The following SIPA1L3 variants were observed in gnomAD, a reference collection of about 807,000 sequenced individuals.
The protein encoded by SIPA1L3 is signal-induced proliferation-associated 1-like protein 3.
Under a neutral mutation model 150.1 loss-of-function variants are expected in SIPA1L3, and 59 were observed. The observed-to-expected ratio is 0.39, with a 90% CI of 0.32 to 0.49. The LOEUF (loss-of-function observed/expected upper bound fraction) is 0.49, where lower values mean the gene tolerates loss of function less well. SIPA1L3 is among the 20% of genes least tolerant of loss of function. The pLI is 0.86. For synonymous variants in SIPA1L3, 1,070 were observed against 1,077.6 expected, an observed-to-expected ratio of 0.99 and a Z score of 0.14; for missense variants, 2,211 against 2,489.5, an observed-to-expected ratio of 0.89 and a Z score of 2.38.
At chr19:38,128,424 G>T (rs1157298009) in intron 9 of SIPA1L3, among the ~76,000 whole-genome samples, 1 of 152,128 alleles carries the variant, frequency 6.6e-6, no homozygotes, top group Non-Finnish European at 1.5e-5. Flanking sequence ...TTTCAGGTAA[G>T]TACTTTACCA....
intron 15 of SIPA1L3, among the ~76,000 whole-genome samples, chr19:38,177,360 CAAA>C (rs371696539): frequency 8.2e-6 from 1 of 121,466 alleles, no homozygotes; most frequent in Non-Finnish European, 1.7e-5. Flanking sequence ...GACTCCATCT[CAAA>C]AAAAAAAAAA....
At chr19:38,092,301 G>A (rs1970277374) in intron 4 of SIPA1L3, among the ~76,000 whole-genome samples, 1 of 151,842 alleles carries the variant, frequency 6.6e-6, no homozygotes, top group South Asian at 2.1e-4. Context: ...AACCAACATG[G>A]CACATGTAAT....
intron 1 of SIPA1L3, among the ~76,000 whole-genome samples, chr19:37,994,341 GGGATAT>G (rs1967582554): frequency 6.6e-6 from 1 of 152,208 alleles, no homozygotes; most frequent in Non-Finnish European, 1.5e-5. Context: ...CAGGTGCTCT[GGGATAT>G]GGTACAAGTG....
chr19:38,016,243 G>C (rs1339533415), intron 1 of SIPA1L3, among the ~76,000 whole-genome samples: 1 of 152,190 alleles, frequency 6.6e-6, no homozygotes, highest in African/African-American at 2.4e-5. Flanking sequence ...TGGAGATAGG[G>C]TTCTGTTACC....
In SIPA1L3 at chr19:38,000,943, C is replaced by CAT. The variant is rs1187318469; in HGVS notation, c.-378-28142_-378-28141dup. ...TATAACATATATATAACATATATAA[C>CAT]ATATAACACACATATAACACATATA... On this transcript the variant is annotated intron_variant, in intron 1 of 21. Coordinates refer to ENST00000222345, the MANE Select transcript of SIPA1L3 (RefSeq NM_015073.3). Among the ~76,000 whole-genome samples the CAT allele has an allele frequency of 1.2e-4, 13 of 108,488 alleles. No homozygotes were observed. The East Asian group carries it at 2.4e-3, about 20-fold the overall frequency. The allele number at this position is 108,488 out of a possible 152,430, so 71.2% of individuals were successfully genotyped here.
chr19:38,075,151 A>T lies in SIPA1L3; in HGVS notation c.-310-6105A>T, dbSNP rs1357067696. On this transcript the variant is annotated intron_variant, in intron 2 of 21. Coordinates refer to ENST00000222345, the MANE Select transcript of SIPA1L3 (RefSeq NM_015073.3). ...TTTTTTTCAATAAATATATTGGAAA[A>T]TTTTTTAGAAATTTGCAACTATTTA... Among the ~76,000 whole-genome samples the T allele has an allele frequency of 2.0e-5, 3 of 152,184 alleles. No individual in the cohort carries two copies. In the East Asian group the frequency reaches 5.8e-4, roughly 29 times the overall value.
chr19:37,923,521 G>A (rs999645317), intron 1 of SIPA1L3, among the ~76,000 whole-genome samples: 1 of 152,154 alleles, frequency 6.6e-6, no homozygotes, highest in African/African-American at 2.4e-5. Flanking sequence ...CCTGTACAGG[G>A]CACTTACCGT....
intron 2 of SIPA1L3, among the ~76,000 whole-genome samples, chr19:38,078,797 C>T (rs1969913212): frequency 2.0e-5 from 3 of 152,158 alleles, no homozygotes; most frequent in South Asian, 2.1e-4. Context: ...CAGGAGGGAG[C>T]GGGCACGGCT....
intron 7 of SIPA1L3, chr19:38,109,420 A>G (rs1970691221): frequency 6.6e-6 from 1 of 152,182 alleles, no homozygotes; most frequent in Admixed American, 6.5e-5. Flanking sequence ...GACATGTGGG[A>G]ATTATGGGAG....
chr19:38,102,338 C>T (rs1407315898), intron 6 of SIPA1L3, among the ~76,000 whole-genome samples: 1 of 151,696 alleles, frequency 6.6e-6, no homozygotes, highest in Non-Finnish European at 1.5e-5. Context: ...AGCCACCACA[C>T]CTGGCCAATT....
intron 4 of SIPA1L3, among the ~76,000 whole-genome samples, chr19:38,091,226 A>G (rs916530654): frequency 1.3e-5 from 2 of 152,112 alleles, no homozygotes; most frequent in East Asian, 3.9e-4. Context: ...TCTGTACTAA[A>G]AACACAAAAA....
chr19:37,947,499 A>G (rs1368225190), intron 1 of SIPA1L3, among the ~76,000 whole-genome samples: 1 of 151,958 alleles, frequency 6.6e-6, no homozygotes, highest in Non-Finnish European at 1.5e-5. Context: ...AAAAAAAAAA[A>G]AAAAGTCCAA....
chr19:37,918,185 T>C (rs1250052878), intron 1 of SIPA1L3, among the ~76,000 whole-genome samples: 1 of 151,798 alleles, frequency 6.6e-6, no homozygotes. Context: ...GGGAGGAGGG[T>C]GAGCAGGGGG....
chr19:38,192,099 C>T (rs1158629634), intron 16 of SIPA1L3, 46 bp from the exon 17 acceptor site: 2 of 1,532,372 alleles, frequency 1.3e-6, no homozygotes, highest in East Asian at 2.4e-5. Flanking sequence ...TGAAAAGTGG[C>T]TTGAGCCTCC....
chr19:38,192,360 C>T (rs1419778015), intron 17 of SIPA1L3, 50 bp downstream of exon 17: 2 of 1,512,968 alleles, frequency 1.3e-6, no homozygotes, highest in South Asian at 2.6e-5. Flanking sequence ...CCAAGGGGAT[C>T]CCAGATCTGG....
At position 38,081,640 on chromosome 19, in the gene SIPA1L3, C is replaced by G. The variant is rs148675237; in HGVS notation, c.75C>G (p.Val25=). The G allele has an allele frequency of 1.2e-6, 2 of 1,607,620 alleles. No individual in the cohort carries two copies. Among genetic ancestry groups the G allele is most frequent in the Non-Finnish European group, 8.5e-7 (1 of 1,175,890 alleles). ...AASCGARVGD[V]LPGPHTGDYA... is the part of the protein sequence containing the mutation. ...GCTGTGGCGCCAGGGTGGGCGATGT[C>G]CTCCCTGGGCCACACACAGGGGACT... Residue 25 remains valine (V), a synonymous_variant, in exon 3 of 22, where the codon GTC becomes GTG. Coordinates refer to ENST00000222345, the MANE Select transcript of SIPA1L3 (RefSeq NM_015073.3).
At chr19:38,123,875 C>T (rs866411687) in intron 9 of SIPA1L3, among the ~76,000 whole-genome samples, 12 of 101,082 alleles carry the variant, frequency 1.2e-4, no homozygotes, top group Non-Finnish European at 1.7e-4. Context: ...CCGGACAGGG[C>T]GGCTGGCCGG....
rs375391771 is a variant in SIPA1L3 at position 38,182,703 on chromosome 19, C to A, written c.4393C>A (p.Pro1465Thr). The A allele has an allele frequency of 1.4e-5, 22 of 1,613,704 alleles. No homozygotes were observed. The highest frequency in any genetic ancestry group is 1.7e-4 in the Middle Eastern group (1 of 6,052). ...HPTGWKRTEE[P>T]PPRPLPFSDP... The stretch of plus-strand genomic sequence containing the variant: ...AACAGGGTGGAAGAGAACGGAGGAG[C>A]CCCCACCACGGCCACTCCCCTTCAG... The change falls in exon 16 of 22, where the codon CCC (proline) becomes ACC (threonine). Residue 1465 changes from proline to threonine, a missense_variant. Physicochemically the swap from Pro to Thr is conservative, Grantham distance 38 (BLOSUM62 -1). Transcript: ENST00000222345.
intron 13 of SIPA1L3, among the ~76,000 whole-genome samples, chr19:38,154,686 T>C (rs987196789): frequency 6.6e-6 from 1 of 151,952 alleles, no homozygotes; most frequent in African/African-American, 2.4e-5. Context: ...GACCTTGTGA[T>C]CCACCCGCCT....
Sources: allele counts gnomAD v4.1 joint callset (sites outside exome capture counted in the v4.1 genomes callset), GRCh38; gene constraint gnomAD v4.1.1; transcripts MANE v1.5; gene names NCBI Gene and HGNC (gene_info 2026-07-23, HGNC 2026-07-21).